The following SYNE1 variants were observed in gnomAD, a reference collection of about 807,000 sequenced individuals.
SYNE1 encodes nesprin-1.
A neutral mutation model predicts 1,111.0 loss-of-function variants in SYNE1; 616 were observed. The ratio of observed to expected loss-of-function variants is 0.55; its 90% CI spans 0.52 to 0.59. The LOEUF (loss-of-function observed/expected upper bound fraction) is 0.59. Ranked by LOEUF, SYNE1 falls within the 20% of genes least tolerant of loss-of-function variation. The pLI, the probability that SYNE1 is intolerant of heterozygous loss-of-function variation, is 0.00. For synonymous variants in SYNE1, 3,855 were observed against 3,825.8 expected (o/e 1.01, Z -0.28); for missense variants, 10,006 against 10,417.0 (o/e 0.96, Z 1.72).
At chr6:152,579,443 T>C (rs2099511909) in intron 3 of SYNE1, among the ~76,000 whole-genome samples, 1 of 152,236 alleles carries the variant, frequency 6.6e-6, no homozygotes, top group Non-Finnish European at 1.5e-5. Context: ...AACTGCCAGA[T>C]GTATTAAGAG....
intron 127 of SYNE1, among the ~76,000 whole-genome samples, chr6:152,194,791 T>C (rs2073656197): frequency 6.6e-6 from 1 of 152,242 alleles, no homozygotes; most frequent in African/African-American, 2.4e-5. Context: ...GAGACTCTGA[T>C]GCATTCTTCA....
chr6:152,362,130 C>A (rs748626568), intron 64 of SYNE1, 40 bp downstream of exon 64: 3 of 1,614,110 alleles, frequency 1.9e-6, no homozygotes. Context: ...TCTAAAGAAG[C>A]CTGTGAGAAA....
At chr6:152,168,213 C>G (rs777006030) in intron 130 of SYNE1, 1 of 760,732 alleles carries the variant, frequency 1.3e-6, no homozygotes, top group Non-Finnish European at 2.4e-6. Flanking sequence ...ATGAAGCTTC[C>G]ACTTGCAAAA....
chr6:152,488,253 C>A (rs2098951730), intron 12 of SYNE1, 143 bp downstream of exon 12: 3 of 593,238 alleles, frequency 5.1e-6, no homozygotes, highest in Non-Finnish European at 8.9e-6. Flanking sequence ...AAATTATATG[C>A]AAACTTAGGG....
At chr6:152,520,421 C>T in intron 6 of SYNE1, 38 bp downstream of exon 6, 1 of 1,600,796 alleles carries the variant, frequency 6.2e-7, no homozygotes, top group Non-Finnish European at 8.5e-7. Context: ...ATGCCCACAC[C>T]TTCTTCCTTG....
intron 140 of SYNE1, among the ~76,000 whole-genome samples, chr6:152,139,474 G>A (rs1045571004): frequency 8.6e-5 from 13 of 151,322 alleles, no homozygotes; most frequent in Non-Finnish European, 1.8e-4. Flanking sequence ...GTGGGGCTGA[G>A]GCAGGAGGAT....
intron 119 of SYNE1, among the ~76,000 whole-genome samples, chr6:152,219,511 A>G (rs2079591172): frequency 6.6e-6 from 1 of 151,810 alleles, no homozygotes; most frequent in Non-Finnish European, 1.5e-5. Context: ...AAAAAAACAA[A>G]CATGACCCAA....
chr6:152,482,152 G>C (rs562493862), intron 14 of SYNE1, among the ~76,000 whole-genome samples: 1 of 152,210 alleles, frequency 6.6e-6, no homozygotes, highest in African/African-American at 2.4e-5. Context: ...GGTTGAGTCT[G>C]TCAAGTTGAA....
chr6:152,536,446 A>T lies in SYNE1; in HGVS notation c.129+3514T>A, dbSNP rs1326589465. ...ATTTATATATATAACTATATATAGT[A>T]ATATATATTTATATATATATACAAT... is the stretch of plus-strand genomic sequence containing the variant. On this transcript the variant is annotated intron_variant, in intron 4 of 145. Transcript: ENST00000367255. 7.7e-5 allele frequency among the ~76,000 whole-genome samples: 8 copies of T among 103,330 alleles called. No individual in the cohort carries two copies. The South Asian group carries it at 1.2e-3, about 15-fold the overall frequency. 67.8% of individuals were successfully genotyped at this position (103,330 alleles called of 152,430 possible).
chr6:152,437,005 GAA>G (rs1199684617), intron 32 of SYNE1, among the ~76,000 whole-genome samples: 4 of 143,158 alleles, frequency 2.8e-5, no homozygotes, highest in East Asian at 2.0e-4. Flanking sequence ...CATCTCTAGG[GAA>G]AAAAAAAAAA....
rs765195647 is a variant in SYNE1, at chr6:152,442,178, C to T, written c.3905G>A (p.Gly1302Glu). The T allele has an allele frequency of 6.2e-7, 1 of 1,613,792 alleles. No individual in the cohort carries two copies. Among genetic ancestry groups the T allele is most frequent in the Non-Finnish European group, 8.5e-7 (1 of 1,180,044 alleles). The change falls in exon 31 of 146, where the codon GGA becomes GAA. Residue 1302 changes from glycine (G) to glutamate (E), a missense_variant. This residue lies in a region of SYNE1 where 1,971 missense variants were observed against 2,084.1 expected (regional missense o/e 0.95). Transcript: ENST00000367255. ...VQQQIAQAQQ[G>E]EGGLPDRGHE... The stretch of plus-strand genomic sequence containing the variant: ...GCCTCGGTCAGGCAGCCCCCCTTCT[C>T]CCTGCTGCGCCTGCGCGATCTGCTG...
At position 152,252,231 on chromosome 6, in the gene SYNE1, C is replaced by T. The variant is rs144397151; in HGVS notation, c.19470+2649G>A. ...AGGTTGCAGTGAGCTGAGATCTCCC[C>T]ATTGCACTCCAGCCTGGGCAACAAG... is the stretch of plus-strand genomic sequence containing the variant. On this transcript the variant is annotated intron_variant, in intron 104 of 145. Transcript: ENST00000367255. 2.5e-4 allele frequency among the ~76,000 whole-genome samples: 38 copies of T among 152,088 alleles called. No individual in the cohort carries two copies. In the East Asian group the frequency reaches 6.2e-3, roughly 25 times the overall value.
chr6:152,249,825 T>C (rs893630036), intron 104 of SYNE1, among the ~76,000 whole-genome samples: 3 of 152,164 alleles, frequency 2.0e-5, no homozygotes, highest in Non-Finnish European at 2.9e-5. Flanking sequence ...CACAAAAAGA[T>C]CTTGTTAGGT....
In SYNE1 at chr6:152,447,603, G is replaced by C; in HGVS notation, c.3524C>G (p.Thr1175Ser). 1 of 1,614,144 alleles carries C rather than the reference G, an allele frequency of 6.2e-7. No homozygotes were observed. The highest frequency in any genetic ancestry group is 8.5e-7 in the Non-Finnish European group (1 of 1,180,018). ...RAVEEIRNGV[T>S]KRGETLSWLK... Reference sequence around the variant, plus strand: ...CCAGCTGAGGGTCTCACCCCTTTTGGTAACACCATTTCTGATCTCCTGAAA... The same window carrying C: ...CCAGCTGAGGGTCTCACCCCTTTTGCTAACACCATTTCTGATCTCCTGAAA... Residue 1175 changes from threonine to serine, a missense_variant, in exon 29 of 146, where the codon ACC becomes AGC. By Grantham distance (58) the Thr-to-Ser change is moderately conservative (BLOSUM62 1). Around this residue, in one of 7 missense-constraint regions of SYNE1, gnomAD observed 1,971 missense variants for 2,084.1 expected, o/e 0.95. Coordinates refer to ENST00000367255, the MANE Select transcript of SYNE1 (RefSeq NM_182961.4).
At chr6:152,316,446 C>A in intron 87 of SYNE1, 2 of 266,984 alleles carry the variant, frequency 7.5e-6, no homozygotes, top group South Asian at 4.4e-5. Context: ...ATCACACAGC[C>A]CTGCATGGCG....
At chr6:152,473,915 G>T (rs2098820738) in intron 14 of SYNE1, among the ~76,000 whole-genome samples, 2 of 152,170 alleles carry the variant, frequency 1.3e-5, no homozygotes, top group Non-Finnish European at 2.9e-5. Flanking sequence ...GCCGGGTGTG[G>T]TGGCTCATGT....
intron 141 of SYNE1, 114 bp downstream of exon 141, chr6:152,136,504 C>T (rs985680049): frequency 7.7e-7 from 1 of 1,292,734 alleles, no homozygotes; most frequent in African/African-American, 1.5e-5. Context: ...CACTGAAATA[C>T]TGACTTTGGG....
rs2098392161 is a variant in SYNE1, at chr6:152,428,379, G to A, written c.4802C>T (p.Ala1601Val). 1 of 1,613,580 alleles carries A rather than the reference G, an allele frequency of 6.2e-7. No homozygotes were observed. The highest frequency in any genetic ancestry group is 8.5e-7 in the Non-Finnish European group (1 of 1,180,028). Residue 1601 changes from alanine (A) to valine (V), a missense_variant, in exon 37 of 146, where the codon GCC becomes GTC. Around this residue, in one of 7 missense-constraint regions of SYNE1, gnomAD observed 1,971 missense variants for 2,084.1 expected, o/e 0.95. Coordinates refer to ENST00000367255, the MANE Select transcript of SYNE1 (RefSeq NM_182961.4). ...VLQEHMDLCQ[A>V]LESLSSAITA... Reference sequence around the variant, plus strand: ...GATCGCGCTGCTCAGTGACTCCAGGGCCTGGCAGAGATCCTAAGAAGAGTG... The same window carrying A: ...GATCGCGCTGCTCAGTGACTCCAGGACCTGGCAGAGATCCTAAGAAGAGTG...
intron 6 of SYNE1, among the ~76,000 whole-genome samples, chr6:152,513,228 T>A (rs1214056832): frequency 6.6e-6 from 1 of 152,194 alleles, no homozygotes; most frequent in Non-Finnish European, 1.5e-5. Flanking sequence ...GAATTATTAT[T>A]TGTGTCCCTC....
Sources: allele counts gnomAD v4.1 joint callset (sites outside exome capture counted in the v4.1 genomes callset), GRCh38; gene constraint gnomAD v4.1.1; regional missense constraint gnomAD v4.1.1; transcripts MANE v1.5; gene names NCBI Gene and HGNC (gene_info 2026-07-23, HGNC 2026-07-21).